Variants in NALCN observed in about 807,000 individuals in gnomAD.
NALCN encodes the protein sodium leak channel, non-selective, also known as sodium leak channel NALCN.
In NALCN, 111 loss-of-function variants were observed where a neutral mutation model predicts 225.3. The observed-to-expected ratio is 0.49, with a 90% confidence interval of 0.42 to 0.58. The LOEUF is 0.58. Ranked by LOEUF, NALCN falls within the 20% of genes least tolerant of loss-of-function variation. The probability of loss-of-function intolerance (pLI) is 0.00; values close to 1 mark genes in which losing one functional copy is unlikely to be tolerated. For missense variants in NALCN, 1,378 were observed against 2,202.4 expected (o/e 0.63, Z 7.49); for synonymous variants, 764 against 769.0 (o/e 0.99, Z 0.11).
intron 38 of NALCN, among the ~76,000 whole-genome samples, 195 bp downstream of exon 38, chr13:101,068,500 C>G (rs56399360): frequency 5.9e-5 from 9 of 152,166 alleles, no homozygotes; most frequent in African/African-American, 2.2e-4. Context: ...TGCTACAACT[C>G]TTAAAATTGC....
intron 13 of NALCN, among the ~76,000 whole-genome samples, chr13:101,211,347 G>T (rs1481073102): frequency 6.6e-6 from 1 of 152,096 alleles, no homozygotes; most frequent in Non-Finnish European, 1.5e-5. Flanking sequence ...CTCTTCTAGG[G>T]TTAGGGGTAG....
At chr13:101,190,959 C>A (rs996743856) in intron 14 of NALCN, among the ~76,000 whole-genome samples, 4 of 152,162 alleles carry the variant, frequency 2.6e-5, no homozygotes. Context: ...TATTTACATT[C>A]CATGTGACAT....
chr13:101,202,793 C>G (rs2140045935), intron 13 of NALCN, among the ~76,000 whole-genome samples: 1 of 152,310 alleles, frequency 6.6e-6, no homozygotes, highest in African/African-American at 2.4e-5. Context: ...CTTCAGCCAC[C>G]TCCATCACTG....
intron 7 of NALCN, 23 bp downstream of exon 7, chr13:101,345,243 C>G: frequency 1.9e-6 from 3 of 1,597,984 alleles, no homozygotes; most frequent in Non-Finnish European, 2.6e-6. Context: ...AAACTTAAAA[C>G]GTATTTTACC....
Position 101,292,897 on chromosome 13 carries a change from T to A in NALCN, c.800-531A>T, listed in dbSNP as rs1192580027. On this transcript the variant is annotated intron_variant, in intron 7 of 43. Transcript: ENST00000251127. The surrounding 1 kb of genome is among the most constrained non-coding windows in gnomAD (Gnocchi z 4.3). Reference sequence around the variant, plus strand: ...TCCATGGTGTTACCGAACACCAGAATGTAAGGCAGTGAATCACCAAATAGG... The same window carrying A: ...TCCATGGTGTTACCGAACACCAGAAAGTAAGGCAGTGAATCACCAAATAGG... Among the ~76,000 whole-genome samples, 1 of 152,196 alleles carries A rather than the reference T, an allele frequency of 6.6e-6. No homozygotes were observed. The highest frequency in any genetic ancestry group is 2.4e-5 in the African/African-American group (1 of 41,448).
intron 34 of NALCN, among the ~76,000 whole-genome samples, chr13:101,076,456 A>T (rs149749088): frequency 6.6e-6 from 1 of 152,352 alleles, no homozygotes; most frequent in East Asian, 1.9e-4. Flanking sequence ...TGTGATTAGC[A>T]GGAAGAGATG....
intron 18 of NALCN, among the ~76,000 whole-genome samples, chr13:101,117,426 C>A (rs775646771): frequency 2.0e-5 from 3 of 152,176 alleles, no homozygotes; most frequent in Non-Finnish European, 4.4e-5. Context: ...GAACTTTTTA[C>A]TACAATAAAA....
intron 6 of NALCN, among the ~76,000 whole-genome samples, chr13:101,365,743 G>A (rs867052650): frequency 1.3e-5 from 2 of 152,066 alleles, no homozygotes; most frequent in Non-Finnish European, 2.9e-5. Flanking sequence ...AAACAGTAGG[G>A]ATAAGCCAAG....
intron 15 of NALCN, among the ~76,000 whole-genome samples, chr13:101,150,499 C>G (rs1204466117): frequency 1.3e-5 from 2 of 152,136 alleles, no homozygotes; most frequent in East Asian, 3.9e-4. Flanking sequence ...TTTGACCAAG[C>G]TACAGACACA....
At chr13:101,121,371 G>A (rs991123393) in intron 18 of NALCN, among the ~76,000 whole-genome samples, 3 of 152,048 alleles carry the variant, frequency 2.0e-5, no homozygotes, top group Admixed American at 1.3e-4. Flanking sequence ...ATCTCAAGAC[G>A]CTAATATTTC....
chr13:101,157,343 C>T (rs185324510), intron 15 of NALCN, among the ~76,000 whole-genome samples: 1 of 152,198 alleles, frequency 6.6e-6, no homozygotes, highest in Non-Finnish European at 1.5e-5. Context: ...TACCATTCTC[C>T]AATAAAACAA....
At chr13:101,358,914 AGCCATC>A (rs1049476521) in intron 6 of NALCN, among the ~76,000 whole-genome samples, 11 of 151,866 alleles carry the variant, frequency 7.2e-5, no homozygotes, top group Non-Finnish European at 1.6e-4. Flanking sequence ...TGAAGCTGGA[AGCCATC>A]ACCTTCAGCA....
rs890547839 is a variant in NALCN, at chr13:101,176,369, G to C, written c.1770C>G (p.Leu590=). ...AAATAACAGCAACAAACAAACTCAGGAGGATCTATAAAATGGTGAAATAAC... is the reference window on the plus strand; with the variant it reads ...AAATAACAGCAACAAACAAACTCAGCAGGATCTATAAAATGGTGAAATAAC... ...ILYHLFATLI[L]LSLFVAVILD... is the part of the protein sequence containing the mutation. Residue 590 remains leucine (L), a synonymous_variant, in exon 15 of 44, where the codon CTC becomes CTG. Coordinates refer to ENST00000251127, the MANE Select transcript of NALCN (RefSeq NM_052867.4). The C allele has an allele frequency of 1.9e-6, 3 of 1,594,990 alleles. No homozygotes were observed. In the South Asian group the frequency reaches 3.4e-5, roughly 18 times the overall value.
intron 11 of NALCN, among the ~76,000 whole-genome samples, chr13:101,255,298 A>G (rs2042194180): frequency 1.3e-5 from 2 of 152,244 alleles, no homozygotes; most frequent in Non-Finnish European, 2.9e-5. Flanking sequence ...AGGATAAATC[A>G]TCTACCATAC....
chr13:101,362,135 T>C (rs2046268085), intron 6 of NALCN, among the ~76,000 whole-genome samples: 1 of 152,002 alleles, frequency 6.6e-6, no homozygotes, highest in African/African-American at 2.4e-5. Context: ...AATATATCAC[T>C]AGTTTATAGA....
intron 12 of NALCN, among the ~76,000 whole-genome samples, chr13:101,232,661 T>C (rs1015394343): frequency 2.0e-5 from 3 of 152,016 alleles, no homozygotes; most frequent in South Asian, 2.1e-4. Flanking sequence ...TTAGCCAGGA[T>C]GGTCTCGATC....
chr13:101,202,245 T>A (rs2040150699), intron 13 of NALCN, among the ~76,000 whole-genome samples: 1 of 152,188 alleles, frequency 6.6e-6, no homozygotes, highest in South Asian at 2.1e-4. Context: ...GGGGTTACAT[T>A]TCTAAAAAGT....
chr13:101,355,031 T>C (rs1370082127), intron 6 of NALCN, among the ~76,000 whole-genome samples: 1 of 152,148 alleles, frequency 6.6e-6, no homozygotes, highest in Non-Finnish European at 1.5e-5. Context: ...TCACAGGGGA[T>C]CTGGTCATTT....
At chr13:101,120,587 G>A (rs971293801) in intron 18 of NALCN, among the ~76,000 whole-genome samples, 31 of 151,290 alleles carry the variant, frequency 2.0e-4, no homozygotes, top group African/African-American at 6.3e-4. Context: ...CATGTGTCTG[G>A]TTAAAAATCT....
Sources: allele counts gnomAD v4.1 joint callset (sites outside exome capture counted in the v4.1 genomes callset), GRCh38; gene constraint gnomAD v4.1.1; non-coding constraint Gnocchi (gnomAD v3.1); transcripts MANE v1.5; gene names NCBI Gene and HGNC (gene_info 2026-07-23, HGNC 2026-07-21).